Variants in LYRM4 observed in about 807,000 individuals in gnomAD.
LYRM4 encodes the protein LYR motif containing 4, also known as LYR motif-containing protein 4.
Under a neutral mutation model 11.7 loss-of-function variants are expected in LYRM4, and 9 were observed. The ratio of observed to expected loss-of-function variants is 0.77; its 90% confidence interval spans 0.46 to 1.34. LYRM4 has a LOEUF of 1.34. Among genes scored for constraint, LYRM4 ranks in the 40% most tolerant of loss-of-function variants. The pLI is 0.00. For synonymous variants in LYRM4, 42 were observed against 40.4 expected (o/e 1.04, Z -0.15); for missense variants, 133 against 112.5 (o/e 1.18, Z -0.82).
chr6:5,255,907 T>A (rs1561906489), intron 1 of LYRM4, among the ~76,000 whole-genome samples: 1 of 152,208 alleles, frequency 6.6e-6, no homozygotes, highest in Admixed American at 6.5e-5. Flanking sequence ...TATTCCTAGA[T>A]AATTCATCTA....
At position 5,224,607 on chromosome 6, in the gene LYRM4, C is replaced by A. The variant is rs565056898; in HGVS notation, c.87-7869G>T. Among the ~76,000 whole-genome samples, 7 of 152,256 alleles carry A rather than the reference C, an allele frequency of 4.6e-5. No homozygotes were observed. In the South Asian group the frequency reaches 1.0e-3, roughly 23 times the overall value. The stretch of plus-strand genomic sequence containing the variant: ...TTATAAGCATTAAAAATAGAAACCA[C>A]CTAAGTTTTCAATAATAGAGAATTG... On this transcript the variant is annotated intron_variant, in intron 1 of 2. Coordinates refer to ENST00000330636, the MANE Select transcript of LYRM4 (RefSeq NM_020408.6).
the LYRM4 span, among the ~76,000 whole-genome samples, chr6:5,039,984 ATAGAT>A: frequency 1.3e-5 from 2 of 152,252 alleles, no homozygotes; most frequent in African/African-American, 4.8e-5. Context: ...AGGAAATACT[ATAGAT>A]TAGTGATTAA....
At chr6:5,079,839 T>G in the LYRM4 span, among the ~76,000 whole-genome samples, 1 of 152,364 alleles carries the variant, frequency 6.6e-6, no homozygotes, top group East Asian at 1.9e-4. Flanking sequence ...ATTTGTCCTA[T>G]CTGATTCACA....
chr6:5,250,662 G>C (rs908433895), intron 1 of LYRM4, among the ~76,000 whole-genome samples: 4 of 152,170 alleles, frequency 2.6e-5, no homozygotes, highest in African/African-American at 9.7e-5. Context: ...GGTAACAATA[G>C]TTCTTTGTAA....
intron 1 of LYRM4, among the ~76,000 whole-genome samples, chr6:5,224,126 C>A (rs991132465): frequency 3.9e-5 from 6 of 152,302 alleles, no homozygotes; most frequent in African/African-American, 1.4e-4. Flanking sequence ...TGGCTAACTC[C>A]TATTCATCTT....
chr6:5,162,477 G>A (rs573192692), intron 2 of LYRM4, among the ~76,000 whole-genome samples: 1 of 152,234 alleles, frequency 6.6e-6, no homozygotes, highest in African/African-American at 2.4e-5. Context: ...ACAGCTCAGA[G>A]ATGGAGCGAC....
At chr6:5,218,112 G>A in intron 1 of LYRM4, 1 of 441,516 alleles carries the variant, frequency 2.3e-6, no homozygotes, top group Non-Finnish European at 3.0e-6. Context: ...TTGCTGCGTT[G>A]CCCAGGCTGG....
chr6:5,207,027 G>A lies in LYRM4; in HGVS notation c.207+9591C>T, dbSNP rs59361101. Among the ~76,000 whole-genome samples, 496 of 152,264 alleles carry A rather than the reference G, an allele frequency of 3.3e-3. 6 individuals carry two copies. Among genetic ancestry groups the A allele is most frequent in the African/African-American group, 0.011 (470 of 41,542 alleles). ...TTCGCCTTTAGTAGAAACACTGAGT[G>A]ATGACATGACTTTAGACAGAGTCAA... On this transcript the variant is annotated intron_variant, in intron 2 of 2. Transcript: ENST00000330636.
chr6:5,199,307 T>C (rs1761249902), intron 2 of LYRM4, among the ~76,000 whole-genome samples: 1 of 152,240 alleles, frequency 6.6e-6, no homozygotes, highest in African/African-American at 2.4e-5. Context: ...GTCGTGAATA[T>C]AAATTTCATC....
At chr6:5,183,298 T>C (rs544055298) in intron 2 of LYRM4, among the ~76,000 whole-genome samples, 1 of 152,312 alleles carries the variant, frequency 6.6e-6, no homozygotes, top group South Asian at 2.1e-4. Context: ...CTGCACAACA[T>C]CCTTCATCTG....
chr6:5,260,885 G>T lies in LYRM4; in HGVS notation c.-152C>A, dbSNP rs1282405413. ...GGCCGGGCCTAAGCCTAAGCGGGCA[G>T]CCCTGCGGATCGCGGACGGCGCCAG... On this transcript the variant is annotated 5_prime_UTR_variant, in exon 1 of 3. It adds an upstream start codon to the 5' untranslated region. Transcript: ENST00000330636. 7.8e-6 allele frequency: 11 copies of T among 1,411,118 alleles called. No individual in the cohort carries two copies. The highest frequency in any genetic ancestry group is 1.0e-5 in the Non-Finnish European group (11 of 1,089,490). 87.4% of individuals were successfully genotyped at this position (1,411,118 alleles called of 1,614,324 possible). A position where few individuals can be genotyped will look rare whatever the true frequency, so the allele number is the denominator to read the frequency against.
chr6:5,208,272 T>C (rs7769219), intron 2 of LYRM4, among the ~76,000 whole-genome samples: 140,024 of 152,240 alleles, frequency 0.92, 65,363 homozygotes, highest in Non-Finnish European at 1. Context: ...GCAACTTGCC[T>C]GAGATCATGA....
At chr6:5,178,741 G>A (rs1185917141) in intron 2 of LYRM4, among the ~76,000 whole-genome samples, 1 of 146,134 alleles carries the variant, frequency 6.8e-6, no homozygotes, top group African/African-American at 2.5e-5. Context: ...GGAGGCGGAG[G>A]TGGCAGTGAG....
chr6:5,032,552 G>A, the LYRM4 span: 1 of 152,218 alleles, frequency 6.6e-6, no homozygotes, highest in African/African-American at 2.4e-5. Context: ...ACATGGCAAA[G>A]ACCACAGTTG....
intron 2 of LYRM4, among the ~76,000 whole-genome samples, chr6:5,207,621 T>C (rs1156346415): frequency 2.0e-5 from 3 of 152,226 alleles, no homozygotes; most frequent in Non-Finnish European, 4.4e-5. Flanking sequence ...ACTTCAGTGA[T>C]AGCTTGTCTG....
At chr6:5,066,434 C>T in the LYRM4 span, 1 of 753,030 alleles carries the variant, frequency 1.3e-6, no homozygotes, top group African/African-American at 1.7e-5. Context: ...TGCCTGCTGT[C>T]CAAGGAACTG....
intron 2 of LYRM4, among the ~76,000 whole-genome samples, chr6:5,198,232 C>G (rs530132357): frequency 6.6e-6 from 1 of 152,176 alleles, no homozygotes; most frequent in African/African-American, 2.4e-5. Context: ...GGGAGGGCAA[C>G]TAACTGAGTT....
intron 1 of LYRM4, among the ~76,000 whole-genome samples, chr6:5,253,818 G>C (rs1413500973): frequency 2.3e-5 from 3 of 131,134 alleles, no homozygotes; most frequent in Non-Finnish European, 3.1e-5. Flanking sequence ...CAATAAGTGG[G>C]TGCCTCATGC....
the LYRM4 span, among the ~76,000 whole-genome samples, chr6:5,035,009 A>G: frequency 6.6e-6 from 1 of 151,982 alleles, no homozygotes; most frequent in Admixed American, 6.6e-5. Flanking sequence ...GTGGAAGGGC[A>G]GGTTCTCAAT....
Sources: allele counts gnomAD v4.1 joint callset (sites outside exome capture counted in the v4.1 genomes callset), GRCh38; gene constraint gnomAD v4.1.1; transcripts MANE v1.5; gene names NCBI Gene and HGNC (gene_info 2026-07-23, HGNC 2026-07-21).